Variants in MTMR14 observed in about 807,000 individuals in gnomAD.
MTMR14 encodes myotubularin related protein 14, also known as phosphatidylinositol-3,5-bisphosphate 3-phosphatase MTMR14.
Under a neutral mutation model 86.3 loss-of-function variants are expected in MTMR14, and 48 were observed. That is an observed-to-expected ratio of 0.56 (90% confidence interval 0.44 to 0.71). MTMR14 has a LOEUF of 0.71. Ranked by LOEUF, MTMR14 falls within the 30% of genes least tolerant of loss-of-function variation. The pLI is 0.00. For synonymous variants in MTMR14, 366 were observed against 326.1 expected (o/e 1.12, Z -1.32); for missense variants, 780 against 834.6 (o/e 0.93, Z 0.81).
chr3:9,696,231 C>T (rs1400784802), intron 17 of MTMR14, among the ~76,000 whole-genome samples: 1 of 152,368 alleles, frequency 6.6e-6, no homozygotes, highest in South Asian at 2.1e-4. Context: ...GGCGCACTGG[C>T]TCACGCCTGT....
rs1385119437 is a variant in MTMR14 at position 9,649,724 on chromosome 3, C to A, written c.141C>A (p.Ser47Arg). The A allele has an allele frequency of 1.2e-6, 2 of 1,613,290 alleles. No individual in the cohort carries two copies. The highest frequency in any genetic ancestry group is 1.7e-5 in the Admixed American group (1 of 59,920). Reference sequence around the variant, plus strand: ...CTCAGTACCGGGCCAAGGATGGCAGCGGGACCGGCGGCTCTAAGGTGAGAT... The same window carrying A: ...CTCAGTACCGGGCCAAGGATGGCAGAGGGACCGGCGGCTCTAAGGTGAGAT... ...SRTQYRAKDG[S>R]GTGGSKVERI... is the part of the protein sequence containing the mutation. The change falls in exon 1 of 19, where the codon AGC (serine) becomes AGA (arginine). Residue 47 changes from serine to arginine, a missense_variant. Transcript: ENST00000296003.
At chr3:9,685,641 A>G (rs1451798343) in intron 13 of MTMR14, among the ~76,000 whole-genome samples, 1 of 151,942 alleles carries the variant, frequency 6.6e-6, no homozygotes, top group African/African-American at 2.4e-5. Context: ...CCCTCCCGTC[A>G]CACCCTTCAG....
At chr3:9,664,540 A>G (rs1247632543) in intron 3 of MTMR14, among the ~76,000 whole-genome samples, 1 of 152,180 alleles carries the variant, frequency 6.6e-6, no homozygotes. Flanking sequence ...AATATGGTAC[A>G]TGTATGCAAT....
intron 13 of MTMR14, among the ~76,000 whole-genome samples, chr3:9,686,224 C>T (rs1305573634): frequency 3.6e-4 from 55 of 152,212 alleles, no homozygotes; most frequent in Admixed American, 3.3e-3. Context: ...CAGAGGCCTC[C>T]GTGAACTCCC....
chr3:9,701,862 C>T lies in MTMR14; in HGVS notation c.1842C>T (p.Ser614=), dbSNP rs372080472. The part of the protein sequence containing the change: ...VRSAFLAAYS[S]TVGLRAVAPS... Reference sequence around the variant, plus strand: ...CAGCCTTCTTGGCTGCGTACAGCAGCACAGTGGGGCTTCGGGCAGTAGCCC... The same window carrying T: ...CAGCCTTCTTGGCTGCGTACAGCAGTACAGTGGGGCTTCGGGCAGTAGCCC... The change falls in exon 19 of 19, where the codon AGC becomes AGT. Residue 614 remains serine, a synonymous_variant. Coordinates refer to ENST00000296003, the MANE Select transcript of MTMR14 (RefSeq NM_001077525.3). This position sits in a 1 kb window ranked among gnomAD's most constrained non-coding sequence, Gnocchi z 4.2. The T allele has an allele frequency of 9.9e-6, 16 of 1,613,862 alleles. No individual in the cohort carries two copies. In the African/African-American group the frequency reaches 2.1e-4, roughly 22 times the overall value.
intron 3 of MTMR14, among the ~76,000 whole-genome samples, chr3:9,666,434 A>G (rs2048259672): frequency 6.6e-6 from 1 of 152,226 alleles, no homozygotes; most frequent in Admixed American, 6.5e-5. Context: ...CACCTGGCCA[A>G]TGCCCAAAGT....
intron 9 of MTMR14, 98 bp from the exon 10 acceptor site, chr3:9,683,080 A>C (rs2075823583): frequency 4.6e-6 from 5 of 1,078,572 alleles, no homozygotes; most frequent in Non-Finnish European, 5.5e-6. Context: ...GACCTTGTGT[A>C]GTTGTTGCCC....
At chr3:9,652,747 T>C (rs2047374506) in intron 1 of MTMR14, among the ~76,000 whole-genome samples, 1 of 150,146 alleles carries the variant, frequency 6.7e-6, no homozygotes, top group Admixed American at 6.6e-5. Flanking sequence ...GGCTCACACC[T>C]GGGAGGCTGA....
intron 18 of MTMR14, chr3:9,700,511 C>G (rs1559625957): frequency 6.6e-6 from 1 of 151,548 alleles, no homozygotes; most frequent in Non-Finnish European, 1.5e-5. Context: ...GTTGTGCGCA[C>G]TTGTTTCCCT....
chr3:9,685,497 C>G (rs551466630), intron 13 of MTMR14, among the ~76,000 whole-genome samples: 108 of 152,308 alleles, frequency 7.1e-4, no homozygotes, highest in African/African-American at 2.5e-3. Flanking sequence ...AGTTACATGA[C>G]AGCCTTGGCT....
In MTMR14 at chr3:9,674,010, T is replaced by A. The variant is rs538625948; in HGVS notation, c.751+1252T>A. Reference sequence around the variant, plus strand: ...GAGCTTGGCAGTATCAGACCCACACTGATGGGTGTATCCTACCTAAGGGGG... The same window carrying A: ...GAGCTTGGCAGTATCAGACCCACACAGATGGGTGTATCCTACCTAAGGGGG... On this transcript the variant is annotated intron_variant, in intron 7 of 18. Coordinates refer to ENST00000296003, the MANE Select transcript of MTMR14 (RefSeq NM_001077525.3). 5.4e-4 allele frequency among the ~76,000 whole-genome samples: 82 copies of A among 152,260 alleles called. 1 individual carries two copies. Among genetic ancestry groups the A allele is most frequent in the African/African-American group, 1.9e-3 (81 of 41,540 alleles).
rs1005864509 is a variant in MTMR14 at position 9,701,018 on chromosome 3, C to T, written c.1770-772C>T. ...ATTTTCAGTAGAGACAGGGTTTTGCCATGTTGGCCAAGCTAGTCTCGAACT... is the reference window on the plus strand; with the variant it reads ...ATTTTCAGTAGAGACAGGGTTTTGCTATGTTGGCCAAGCTAGTCTCGAACT... On this transcript the variant is annotated intron_variant, in intron 18 of 18. Transcript: ENST00000296003. The surrounding 1 kb of genome is among the most constrained non-coding windows in gnomAD (Gnocchi z 4.2). 1 of 152,216 alleles carries T rather than the reference C, an allele frequency of 6.6e-6. No homozygotes were observed. Among genetic ancestry groups the T allele is most frequent in the African/African-American group, 2.4e-5 (1 of 41,414 alleles). The allele number at this position is 152,216 out of a possible 1,614,324, so 9.4% of individuals were successfully genotyped here.
intron 10 of MTMR14, among the ~76,000 whole-genome samples, chr3:9,684,246 AC>A (rs1202485462): frequency 6.6e-6 from 1 of 151,882 alleles, no homozygotes; most frequent in Non-Finnish European, 1.5e-5. Context: ...CACTCCCGCT[AC>A]CCCCCAAAAA....
chr3:9,702,110 C>T lies in MTMR14; in HGVS notation c.*137C>T. ...CCCATCTCCATCATGAACATGGCAG[C>T]CCCAAAGCTGAGCAAGGCCAAAGAC... On this transcript the variant is annotated 3_prime_UTR_variant, in exon 19 of 19. Coordinates refer to ENST00000296003, the MANE Select transcript of MTMR14 (RefSeq NM_001077525.3). 8.6e-7 allele frequency: 1 copy of T among 1,157,498 alleles called. No homozygotes were observed. Among genetic ancestry groups the T allele is most frequent in the Non-Finnish European group, 1.3e-6 (1 of 796,582 alleles). 71.7% of individuals were successfully genotyped at this position (1,157,498 alleles called of 1,614,324 possible). A position where few individuals can be genotyped will look rare whatever the true frequency, so the allele number is the denominator to read the frequency against.
chr3:9,673,348 T>C (rs1289036434), intron 7 of MTMR14, among the ~76,000 whole-genome samples: 1 of 152,250 alleles, frequency 6.6e-6, no homozygotes, highest in Non-Finnish European at 1.5e-5. Flanking sequence ...CATTTGTTCC[T>C]GGCACATAAA....
intron 3 of MTMR14, among the ~76,000 whole-genome samples, chr3:9,665,929 G>A (rs959020670): frequency 2.0e-5 from 3 of 151,590 alleles, no homozygotes; most frequent in African/African-American, 4.8e-5. Context: ...GGATTTCACG[G>A]TGTTAGCCAG....
intron 17 of MTMR14, among the ~76,000 whole-genome samples, chr3:9,693,661 G>A (rs1405575072): frequency 1.3e-5 from 2 of 152,190 alleles, no homozygotes; most frequent in South Asian, 2.1e-4. Flanking sequence ...GGGAGGGGCT[G>A]TCTTGCTGTG....
At position 9,669,459 on chromosome 3, in the gene MTMR14, T is replaced by G. The variant is rs1458748233; in HGVS notation, c.521T>G (p.Val174Gly). The G allele has an allele frequency of 3.1e-6, 5 of 1,613,814 alleles. No homozygotes were observed. The highest frequency in any genetic ancestry group is 4.2e-6 in the Non-Finnish European group (5 of 1,179,874). The change falls in exon 5 of 19, where the codon GTG (valine) becomes GGG (glycine). Residue 174 changes from valine (V) to glycine (G), a missense_variant. Coordinates refer to ENST00000296003, the MANE Select transcript of MTMR14 (RefSeq NM_001077525.3). Reference sequence around the variant, plus strand: ...GGTGCAGATGATGCCTGGGCAGATGTGGAGGACGTCACGGAGGAGGACTGT... The same window carrying G: ...GGTGCAGATGATGCCTGGGCAGATGGGGAGGACGTCACGGAGGAGGACTGT... Reference protein sequence around the residue: ...SGGADDAWADVEDVTEEDCAL... With the variant: ...SGGADDAWADGEDVTEEDCAL...
At chr3:9,685,185 T>C in intron 12 of MTMR14, 26 bp from the exon 13 acceptor site, 1 of 1,614,164 alleles carries the variant, frequency 6.2e-7, no homozygotes, top group Non-Finnish European at 8.5e-7. Flanking sequence ...GCTGCTGACT[T>C]TGCCTCTCTA....
Sources: gnomAD v4.1 joint callset for allele counts (sites outside exome capture counted in the v4.1 genomes callset) on GRCh38, gnomAD v4.1.1 for gene constraint, Gnocchi (gnomAD v3.1) non-coding constraint, MANE v1.5 for transcripts, NCBI Gene and HGNC (gene_info 2026-07-23, HGNC 2026-07-21) for gene names.